GSKIP: variants seen among roughly 807,000 people sequenced by gnomAD.
The protein encoded by GSKIP is GSK3B-interacting protein.
A neutral mutation model predicts 11.9 loss-of-function variants in GSKIP; 5 were observed. The observed-to-expected ratio is 0.42, with a 90% CI of 0.22 to 0.89. GSKIP has a LOEUF of 0.89. GSKIP is among the 40% of genes least tolerant of loss of function. The pLI is 0.29. For missense variants in GSKIP, 150 were observed against 166.6 expected (o/e 0.90, Z 0.55); for synonymous variants, 70 against 62.9 (o/e 1.11, Z -0.54).
intron 3 of GSKIP, among the ~76,000 whole-genome samples, chr14:96,384,969 A>G (rs1388070778): frequency 1.3e-5 from 2 of 152,156 alleles, no homozygotes; most frequent in East Asian, 3.8e-4. Flanking sequence ...TATTAAACCA[A>G]TTATTAATAA....
intron 1 of GSKIP, among the ~76,000 whole-genome samples, chr14:96,369,654 G>C (rs1328402612): frequency 2.0e-5 from 3 of 152,200 alleles, no homozygotes; most frequent in Non-Finnish European, 4.4e-5. Context: ...TCTATGTGTT[G>C]TTAGGACTTT....
At chr14:96,375,547 C>T (rs1200798454) in intron 1 of GSKIP, among the ~76,000 whole-genome samples, 2 of 151,844 alleles carry the variant, frequency 1.3e-5, no homozygotes, top group Non-Finnish European at 2.9e-5. Flanking sequence ...GATTCTCCTG[C>T]CTCAGCCTCC....
intron 1 of GSKIP, among the ~76,000 whole-genome samples, chr14:96,371,978 T>A (rs866889956): frequency 6.6e-6 from 1 of 152,160 alleles, no homozygotes; most frequent in African/African-American, 2.4e-5. Flanking sequence ...ATGCCAATAT[T>A]CCTCACTCGA....
rs1889125434 is a variant in GSKIP at position 96,373,950 on chromosome 14, T to A, written c.-102-5738T>A. On this transcript the variant is annotated intron_variant, in intron 1 of 3. Transcript: ENST00000555181. ...CATTCAGCACCACATTCACAATGTCTGGCATCCAGTCAGAAAAGACCAGGC... is the reference window on the plus strand; with the variant it reads ...CATTCAGCACCACATTCACAATGTCAGGCATCCAGTCAGAAAAGACCAGGC... Among the ~76,000 whole-genome samples, 15 of 152,366 alleles carry A rather than the reference T, an allele frequency of 9.8e-5. No individual in the cohort carries two copies. The South Asian group carries it at 3.1e-3, about 32-fold the overall frequency.
At chr14:96,365,658 C>T (rs1002392361) in intron 1 of GSKIP, among the ~76,000 whole-genome samples, 1 of 151,872 alleles carries the variant, frequency 6.6e-6, no homozygotes. Context: ...TGGTGAAACC[C>T]TGTCTTTACC....
intron 1 of GSKIP, among the ~76,000 whole-genome samples, chr14:96,370,794 G>A (rs1203998314): frequency 6.6e-6 from 1 of 152,138 alleles, no homozygotes; most frequent in Non-Finnish European, 1.5e-5. Flanking sequence ...GTGGAACGAT[G>A]AGCCAAATAA....
intron 1 of GSKIP, chr14:96,378,836 T>G (rs1389215332): frequency 6.6e-6 from 1 of 152,204 alleles, no homozygotes; most frequent in Admixed American, 6.5e-5. Context: ...AATAGGAATT[T>G]GTTGGCTCCG....
chr14:96,366,050 G>A (rs529961602), intron 1 of GSKIP, among the ~76,000 whole-genome samples: 1 of 152,172 alleles, frequency 6.6e-6, no homozygotes, highest in East Asian at 1.9e-4. Context: ...CAAAGCGGTA[G>A]CGGTGAAAAT....
intron 1 of GSKIP, chr14:96,363,776 C>A (rs1304440139): frequency 6.6e-6 from 1 of 152,322 alleles, no homozygotes; most frequent in East Asian, 1.9e-4. Context: ...TCTCCCGGCT[C>A]CCCTCAGACC....
chr14:96,373,180 A>G (rs1204195093), intron 1 of GSKIP, among the ~76,000 whole-genome samples: 3 of 143,248 alleles, frequency 2.1e-5, no homozygotes, highest in African/African-American at 7.8e-5. Context: ...CAGTGAACTG[A>G]GATAGCACCA....
At chr14:96,370,672 C>G (rs534638871) in intron 1 of GSKIP, among the ~76,000 whole-genome samples, 12 of 152,300 alleles carry the variant, frequency 7.9e-5, no homozygotes, top group African/African-American at 2.9e-4. Context: ...CTATCTCCCC[C>G]ACCTCCACCC....
intron 1 of GSKIP, chr14:96,364,658 A>G (rs1888816665): frequency 6.6e-6 from 1 of 152,184 alleles, no homozygotes. Flanking sequence ...CATTCTTTGT[A>G]GACTCATCTC....
At chr14:96,377,836 C>A (rs1002475928) in intron 1 of GSKIP, among the ~76,000 whole-genome samples, 3 of 152,190 alleles carry the variant, frequency 2.0e-5, no homozygotes, top group African/African-American at 7.2e-5. Flanking sequence ...TGACTTGGGA[C>A]ATAAATAAAC....
At chr14:96,384,968 AATT>A (rs1167591699) in intron 3 of GSKIP, among the ~76,000 whole-genome samples, 1 of 152,132 alleles carries the variant, frequency 6.6e-6, no homozygotes, top group Non-Finnish European at 1.5e-5. Context: ...CTATTAAACC[AATT>A]ATTAATAAAC....
intron 1 of GSKIP, among the ~76,000 whole-genome samples, chr14:96,373,445 A>G (rs984180794): frequency 6.6e-6 from 1 of 152,102 alleles, no homozygotes; most frequent in African/African-American, 2.4e-5. Flanking sequence ...ATCCTCAATA[A>G]TACTTGATTT....
At chr14:96,376,997 C>T (rs980382603) in intron 1 of GSKIP, among the ~76,000 whole-genome samples, 1 of 152,164 alleles carries the variant, frequency 6.6e-6, no homozygotes, top group African/African-American at 2.4e-5. Context: ...AATTTTGCTA[C>T]TCATATATAA....
chr14:96,363,860 C>T (rs1416470856), intron 1 of GSKIP: 1 of 152,352 alleles, frequency 6.6e-6, no homozygotes, highest in African/African-American at 2.4e-5. Flanking sequence ...TCGAGCATCC[C>T]CGCCCGCACC....
chr14:96,366,847 G>A (rs565320025), intron 1 of GSKIP, among the ~76,000 whole-genome samples: 10 of 152,366 alleles, frequency 6.6e-5, no homozygotes, highest in African/African-American at 1.9e-4. Flanking sequence ...GAGGCTAAAT[G>A]GGTCATGTCA....
intron 1 of GSKIP, among the ~76,000 whole-genome samples, chr14:96,367,696 A>G (rs1888927175): frequency 6.6e-6 from 1 of 152,248 alleles, no homozygotes; most frequent in Non-Finnish European, 1.5e-5. Context: ...AATCAATGTC[A>G]TAATAACCAG....
Sources: allele counts gnomAD v4.1 joint callset (sites outside exome capture counted in the v4.1 genomes callset), GRCh38; gene constraint gnomAD v4.1.1; transcripts MANE v1.5; gene names NCBI Gene and HGNC (gene_info 2026-07-23, HGNC 2026-07-21).